Variants in ADAM12 observed in about 807,000 individuals in gnomAD.
The protein encoded by ADAM12 is disintegrin and metalloproteinase domain-containing protein 12.
Under a neutral mutation model 106.4 loss-of-function variants are expected in ADAM12, and 70 were observed. The ratio of observed to expected loss-of-function variants is 0.66; its 90% CI spans 0.54 to 0.80. The LOEUF is 0.80. ADAM12 is among the 30% of genes least tolerant of loss of function. The probability of loss-of-function intolerance (pLI) is 0.00; values close to 1 mark genes in which losing one functional copy is unlikely to be tolerated. For synonymous variants in ADAM12, 420 were observed against 433.5 expected (o/e 0.97, Z 0.39); for missense variants, 1,010 against 1,171.9 (o/e 0.86, Z 2.02).
chr10:126,161,146 G>C (rs1956925230), intron 3 of ADAM12, among the ~76,000 whole-genome samples: 1 of 152,092 alleles, frequency 6.6e-6, no homozygotes. Flanking sequence ...AGCCACAGGA[G>C]GGCTCCTTGG....
At chr10:126,045,479 A>C (rs1565008731) in intron 17 of ADAM12, among the ~76,000 whole-genome samples, 1 of 152,156 alleles carries the variant, frequency 6.6e-6, no homozygotes, top group East Asian at 1.9e-4. Flanking sequence ...AAACAAATGA[A>C]CCTCTGGTGT....
Position 126,028,797 on chromosome 10 carries a change from TAAAG to T in ADAM12, c.2529+7345_2529+7348del. Among the ~76,000 whole-genome samples, 2 of 152,042 alleles carry T rather than the reference TAAAG, an allele frequency of 1.3e-5. 1 individual carries two copies. Among genetic ancestry groups the T allele is most frequent in the South Asian group, 4.2e-4 (2 of 4,814 alleles). ...CAAAAATTGACAAACGGGATCTAAT[TAAAG>T]AGTGTCTGCAGCAAAAGAAACACAG... On this transcript the variant is annotated intron_variant, in intron 21 of 22. Transcript: ENST00000448723.
intron 4 of ADAM12, among the ~76,000 whole-genome samples, chr10:126,148,567 A>G (rs1368270423): frequency 2.0e-5 from 3 of 152,212 alleles, no homozygotes; most frequent in Non-Finnish European, 4.4e-5. Context: ...GAATGGGGGA[A>G]GGGAACTGCT....
intron 18 of ADAM12, chr10:126,042,175 C>A (rs547390968): frequency 6.2e-7 from 1 of 1,613,800 alleles, no homozygotes; most frequent in East Asian, 2.2e-5. Flanking sequence ...CTCCTGCGAT[C>A]CCACGGGCTC....
intron 3 of ADAM12, among the ~76,000 whole-genome samples, chr10:126,206,426 GTCAAAGTGAAAGAGGTGAC>G (rs1957795565): frequency 6.6e-6 from 1 of 152,100 alleles, no homozygotes; most frequent in Non-Finnish European, 1.5e-5. Context: ...AAACACAAGC[GTCAAAGTGAAAGAGGTGAC>G]TCCTCGGCAC....
In ADAM12 at chr10:126,294,772, A is replaced by G. The variant is rs571105465; in HGVS notation, c.187-15784T>C. Among the ~76,000 whole-genome samples the G allele has an allele frequency of 2.0e-4, 30 of 152,260 alleles. 1 individual carries two copies. Among genetic ancestry groups the G allele is most frequent in the South Asian group, 1.2e-3 (6 of 4,828 alleles). ...TTATTTTCTAGAGATATCATGTCATACAGAGATTCCTGAACTCCTACAGAC... is the reference window on the plus strand; with the variant it reads ...TTATTTTCTAGAGATATCATGTCATGCAGAGATTCCTGAACTCCTACAGAC... On this transcript the variant is annotated intron_variant, in intron 2 of 22. Coordinates refer to ENST00000448723, the MANE Select transcript of ADAM12 (RefSeq NM_001288973.2).
In ADAM12 at chr10:126,049,121, TTTC is replaced by T. The variant is rs1186695817; in HGVS notation, c.1917+129_1917+131del. 33 of 1,196,410 alleles carry T rather than the reference TTTC, an allele frequency of 2.8e-5. No homozygotes were observed. Among genetic ancestry groups the T allele is most frequent in the Non-Finnish European group, 3.7e-5 (31 of 841,048 alleles). 74.1% of individuals were successfully genotyped at this position (1,196,410 alleles called of 1,614,324 possible). ...ACCAGGATCTAGGATTTATTGACTT[TTTC>T]TTCTAGGTGCATCTGAGAAGAAGTA... is the stretch of plus-strand genomic sequence containing the variant. On this transcript the variant is annotated intron_variant, in intron 16 of 22. Coordinates refer to ENST00000448723, the MANE Select transcript of ADAM12 (RefSeq NM_001288973.2). This position sits in a 1 kb window ranked among gnomAD's most constrained non-coding sequence, Gnocchi z 4.4.
At position 126,016,379 on chromosome 10, in the gene ADAM12, C is replaced by G. The variant is rs1028161866; in HGVS notation, c.*900G>C. 3 of 152,084 alleles carry G rather than the reference C, an allele frequency of 2.0e-5. No homozygotes were observed. The highest frequency in any genetic ancestry group is 6.6e-5 in the Admixed American group (1 of 15,258). 9.4% of individuals were successfully genotyped at this position (152,084 alleles called of 1,614,324 possible). On this transcript the variant is annotated 3_prime_UTR_variant, in exon 23 of 23. Coordinates refer to ENST00000448723, the MANE Select transcript of ADAM12 (RefSeq NM_001288973.2). ...GTATTACAGTTTGTGGTGATTTGCTCAGCTCCAAGCAGTATAGGGAGGTGG... is the reference window on the plus strand; with the variant it reads ...GTATTACAGTTTGTGGTGATTTGCTGAGCTCCAAGCAGTATAGGGAGGTGG...
intron 3 of ADAM12, among the ~76,000 whole-genome samples, chr10:126,224,270 TCC>T (rs1277201043): frequency 6.6e-6 from 1 of 152,102 alleles, no homozygotes; most frequent in Admixed American, 6.5e-5. Context: ...CTTAGACAGG[TCC>T]TGCAGGCTCC....
chr10:126,226,001 C>T (rs1958186970), intron 3 of ADAM12, among the ~76,000 whole-genome samples: 1 of 152,084 alleles, frequency 6.6e-6, no homozygotes, highest in Admixed American at 6.5e-5. Flanking sequence ...TGGGGTTCAA[C>T]TTGAGTACCC....
At chr10:126,039,557 G>T in intron 18 of ADAM12, 128 bp from the exon 19 acceptor site, 1 of 1,107,010 alleles carries the variant, frequency 9.0e-7, no homozygotes, top group Non-Finnish European at 1.3e-6. Context: ...ACCCGTGAGT[G>T]ATGTACTAAT....
At chr10:126,175,516 C>T (rs548025269) in intron 3 of ADAM12, among the ~76,000 whole-genome samples, 119 of 152,290 alleles carry the variant, frequency 7.8e-4, no homozygotes, top group African/African-American at 2.7e-3. Flanking sequence ...AGCATCAAGT[C>T]GATTTTCCTT....
chr10:126,250,395 C>A (rs768494694), intron 3 of ADAM12, among the ~76,000 whole-genome samples: 2 of 151,768 alleles, frequency 1.3e-5, no homozygotes, highest in South Asian at 4.2e-4. Context: ...AGTGTGTGAG[C>A]GTGTGTGTGT....
rs1023308934 is a variant in ADAM12, at chr10:126,323,547, C to T, written c.186+6865G>A. On this transcript the variant is annotated intron_variant, in intron 2 of 22. Transcript: ENST00000448723. Reference sequence around the variant, plus strand: ...GTTTGCAAGGCTCAGGATCCAGGCACGGATAAAGTCTCAGAGTCAGTCAAC... The same window carrying T: ...GTTTGCAAGGCTCAGGATCCAGGCATGGATAAAGTCTCAGAGTCAGTCAAC... Among the ~76,000 whole-genome samples, 10 of 152,234 alleles carry T rather than the reference C, an allele frequency of 6.6e-5. No homozygotes were observed. The South Asian group carries it at 8.3e-4, about 13-fold the overall frequency.
intron 3 of ADAM12, among the ~76,000 whole-genome samples, chr10:126,250,136 G>A (rs12217845): frequency 0.31 from 47,243 of 152,048 alleles, 7,608 homozygotes; most frequent in East Asian, 0.46. Context: ...CATACCGACC[G>A]CAAGGCCCTT....
intron 2 of ADAM12, among the ~76,000 whole-genome samples, chr10:126,306,599 A>G (rs918802790): frequency 2.0e-5 from 3 of 152,168 alleles, no homozygotes; most frequent in African/African-American, 7.2e-5. Context: ...TGGTTTTTAA[A>G]TATCTTTATT....
At chr10:126,079,278 T>A (rs367678967) in intron 11 of ADAM12, among the ~76,000 whole-genome samples, 2 of 152,114 alleles carry the variant, frequency 1.3e-5, no homozygotes, top group Non-Finnish European at 2.9e-5. Flanking sequence ...ACTGCAGAAC[T>A]TCCCCCCACC....
At chr10:126,284,784 C>T (rs1959768488) in intron 2 of ADAM12, among the ~76,000 whole-genome samples, 1 of 152,128 alleles carries the variant, frequency 6.6e-6, no homozygotes, top group Non-Finnish European at 1.5e-5. Flanking sequence ...TTTTTTCTTC[C>T]ATGTTTGGCA....
intron 2 of ADAM12, among the ~76,000 whole-genome samples, chr10:126,292,378 C>G (rs1417529907): frequency 6.6e-6 from 1 of 152,126 alleles, no homozygotes; most frequent in African/African-American, 2.4e-5. Context: ...TCTGGAGTAC[C>G]TCCACAGTTC....
Sources: gnomAD v4.1 joint callset for allele counts (sites outside exome capture counted in the v4.1 genomes callset) on GRCh38, gnomAD v4.1.1 for gene constraint, Gnocchi (gnomAD v3.1) non-coding constraint, MANE v1.5 for transcripts, NCBI Gene and HGNC (gene_info 2026-07-23, HGNC 2026-07-21) for gene names.